The following ARHGAP15 variants were observed in gnomAD, a reference collection of about 807,000 sequenced individuals.
The protein encoded by ARHGAP15 is rho GTPase-activating protein 15.
ARHGAP15 carries 51 observed loss-of-function variants against 63.7 expected under a neutral mutation model. The ratio of observed to expected loss-of-function variants is 0.80; its 90% confidence interval spans 0.64 to 1.01. The LOEUF (loss-of-function observed/expected upper bound fraction) is 1.01, where lower values mean the gene tolerates loss of function less well. Among genes scored for constraint, ARHGAP15 ranks in the 50% least tolerant of loss-of-function variants. ARHGAP15 has a pLI of 0.00. For synonymous variants in ARHGAP15, 191 were observed against 193.8 expected (o/e 0.99, Z 0.12); for missense variants, 560 against 564.6 (o/e 0.99, Z 0.08).
chr2:143,272,852 C>T (rs1295705002), intron 6 of ARHGAP15, among the ~76,000 whole-genome samples: 2 of 152,202 alleles, frequency 1.3e-5, no homozygotes, highest in Non-Finnish European at 1.5e-5. Context: ...GGTACTTGAC[C>T]ACCAGGTCGA....
In ARHGAP15 at chr2:143,578,873, T is replaced by C. The variant is rs572798830; in HGVS notation, c.1003+22388T>C. 4.0e-4 allele frequency among the ~76,000 whole-genome samples: 61 copies of C among 152,300 alleles called. 2 individuals are homozygous for C. The South Asian group carries it at 0.012, about 31-fold the overall frequency. On this transcript the variant is annotated intron_variant, in intron 11 of 13. Transcript: ENST00000295095. Reference sequence around the variant, plus strand: ...TGAGCTAATATGATAGGCATTTAATTGTATAATATATTATTAGCCATTTTC... The same window carrying C: ...TGAGCTAATATGATAGGCATTTAATCGTATAATATATTATTAGCCATTTTC...
In ARHGAP15 at chr2:143,742,300, G is replaced by A. The variant is rs572787596; in HGVS notation, c.1245-25689G>A. The stretch of plus-strand genomic sequence containing the variant: ...AAATGAGAAGTGGCTTCTGACTTAG[G>A]GTGAGACATTTCCCACGTGACTGCA... On this transcript the variant is annotated intron_variant, in intron 13 of 13. Coordinates refer to ENST00000295095, the MANE Select transcript of ARHGAP15 (RefSeq NM_018460.4). 2.6e-5 allele frequency among the ~76,000 whole-genome samples: 4 copies of A among 152,328 alleles called. No homozygotes were observed. The East Asian group carries it at 7.7e-4, about 29-fold the overall frequency.
rs752737781 is a variant in ARHGAP15 at position 143,682,982 on chromosome 2, GTTTAT to G, written c.1139-20433_1139-20429del. 11 of 152,058 alleles carry G rather than the reference GTTTAT, an allele frequency of 7.2e-5. 1 individual carries two copies. The East Asian group carries it at 1.5e-3, about 21-fold the overall frequency. The allele number at this position is 152,058 out of a possible 1,614,324, so 9.4% of individuals were successfully genotyped here. ...GTTATTGATGGCACTGTAATTTTAC[GTTTAT>G]TTTGTTTGGAATACATTGTGGTTAA... On this transcript the variant is annotated intron_variant, in intron 12 of 13. Transcript: ENST00000295095.
At chr2:143,466,252 T>C (rs1691205220) in intron 8 of ARHGAP15, among the ~76,000 whole-genome samples, 1 of 152,138 alleles carries the variant, frequency 6.6e-6, no homozygotes, top group East Asian at 1.9e-4. Flanking sequence ...AACAATACAA[T>C]GTGGTTTGGA....
At chr2:143,619,759 G>A (rs368289536) in intron 11 of ARHGAP15, among the ~76,000 whole-genome samples, 2 of 152,284 alleles carry the variant, frequency 1.3e-5, no homozygotes, top group Admixed American at 6.5e-5. Flanking sequence ...GTTTAAAAGT[G>A]TATAGCACTT....
At chr2:143,578,579 G>T (rs1158555427) in intron 11 of ARHGAP15, among the ~76,000 whole-genome samples, 2 of 152,130 alleles carry the variant, frequency 1.3e-5, no homozygotes, top group African/African-American at 4.8e-5. Context: ...AGGTGGGGGG[G>T]TAGTTTTTTG....
Position 143,619,997 on chromosome 2 carries a change from G to A in ARHGAP15, c.1004-4136G>A, listed in dbSNP as rs535448291. ...CGTTCAAGAAACTGCATCGTACTGAGATAAATCCTCTAAAACAACCAGGCT... is the reference window on the plus strand; with the variant it reads ...CGTTCAAGAAACTGCATCGTACTGAAATAAATCCTCTAAAACAACCAGGCT... On this transcript the variant is annotated intron_variant, in intron 11 of 13. Transcript: ENST00000295095. Among the ~76,000 whole-genome samples the A allele has an allele frequency of 2.0e-5, 3 of 152,296 alleles. No homozygotes were observed. In the South Asian group the frequency reaches 6.2e-4, roughly 32 times the overall value.
intron 6 of ARHGAP15, among the ~76,000 whole-genome samples, chr2:143,308,438 G>T (rs1683277292): frequency 6.6e-6 from 1 of 151,186 alleles, no homozygotes; most frequent in Non-Finnish European, 1.5e-5. Context: ...TTAAAATCAA[G>T]GGTAATTGTA....
intron 2 of ARHGAP15, among the ~76,000 whole-genome samples, chr2:143,193,746 C>A (rs1273195596): frequency 6.6e-6 from 1 of 152,132 alleles, no homozygotes; most frequent in African/African-American, 2.4e-5. Flanking sequence ...TCCACCTTTG[C>A]ATTAAGAAAT....
intron 11 of ARHGAP15, chr2:143,587,673 C>G (rs778193229): frequency 2.1e-6 from 1 of 466,304 alleles, no homozygotes; most frequent in South Asian, 1.6e-5. Flanking sequence ...CCTTTGTCTT[C>G]TGTCTTTCAC....
At chr2:143,358,482 A>G (rs554612839) in intron 6 of ARHGAP15, among the ~76,000 whole-genome samples, 2 of 152,122 alleles carry the variant, frequency 1.3e-5, no homozygotes, top group Admixed American at 6.5e-5. Flanking sequence ...TTATGCAAAA[A>G]TATATTTAAA....
rs751331321 is a variant in ARHGAP15 at position 143,155,631 on chromosome 2, C to T, written c.141C>T (p.Thr47=). 5.7e-6 allele frequency: 9 copies of T among 1,582,442 alleles called. No homozygotes were observed. Among genetic ancestry groups the T allele is most frequent in the Admixed American group, 1.9e-5 (1 of 52,326 alleles). Residue 47 remains threonine, a synonymous_variant, in exon 2 of 14, where the codon ACC becomes ACT. Transcript: ENST00000295095. ...RLSQSKSMIL[T]DVGKVTEPIS... ...GCCAAAGTAAATCCATGATCCTCAC[C>T]GATGTCGGGAAGGTCACTGAACCTG...
At chr2:143,660,611 C>G (rs538881608) in intron 12 of ARHGAP15, among the ~76,000 whole-genome samples, 30 of 152,286 alleles carry the variant, frequency 2.0e-4, no homozygotes, top group African/African-American at 6.0e-4. Flanking sequence ...CTGTGTAAAA[C>G]TCAATGAACT....
chr2:143,389,524 G>C (rs1345012509), intron 6 of ARHGAP15, among the ~76,000 whole-genome samples: 1 of 152,120 alleles, frequency 6.6e-6, no homozygotes, highest in Non-Finnish European at 1.5e-5. Context: ...CTGAAATACT[G>C]GTTTGCACAT....
At chr2:143,742,156 C>A (rs1685987359) in intron 13 of ARHGAP15, among the ~76,000 whole-genome samples, 1 of 152,026 alleles carries the variant, frequency 6.6e-6, no homozygotes, top group African/African-American at 2.4e-5. Flanking sequence ...ACACCAGAGG[C>A]AATAAAAAAA....
intron 13 of ARHGAP15, among the ~76,000 whole-genome samples, chr2:143,715,803 A>G (rs1559141308): frequency 6.6e-6 from 1 of 152,106 alleles, no homozygotes; most frequent in Non-Finnish European, 1.5e-5. Flanking sequence ...ACCCGTGCCT[A>G]TGTTCTGAAT....
At chr2:143,174,051 C>T (rs1690912306) in intron 2 of ARHGAP15, among the ~76,000 whole-genome samples, 1 of 152,058 alleles carries the variant, frequency 6.6e-6, no homozygotes. Flanking sequence ...CACTTTGAGT[C>T]AACGTCGCAT....
At chr2:143,720,910 A>T (rs1056472054) in intron 13 of ARHGAP15, among the ~76,000 whole-genome samples, 1 of 151,674 alleles carries the variant, frequency 6.6e-6, no homozygotes, top group Non-Finnish European at 1.5e-5. Flanking sequence ...TCTACTAAAC[A>T]TACAAAAAAT....
intron 12 of ARHGAP15, among the ~76,000 whole-genome samples, chr2:143,634,952 C>T (rs1018952022): frequency 8.6e-5 from 13 of 152,008 alleles, no homozygotes; most frequent in African/African-American, 1.2e-4. Context: ...GTGATGTTCA[C>T]GGTGGCACCA....
Sources: gnomAD v4.1 joint callset for allele counts (sites outside exome capture counted in the v4.1 genomes callset) on GRCh38, gnomAD v4.1.1 for gene constraint, MANE v1.5 for transcripts, NCBI Gene and HGNC (gene_info 2026-07-23, HGNC 2026-07-21) for gene names.